The following UNC5B variants were observed in gnomAD, a reference collection of about 807,000 sequenced individuals.
UNC5B encodes the protein netrin receptor UNC5B.
UNC5B carries 56 observed loss-of-function variants against 103.7 expected under a neutral mutation model. The observed-to-expected ratio is 0.54, with a 90% confidence interval of 0.44 to 0.67. The LOEUF is 0.67. Ranked by LOEUF, UNC5B falls within the 30% of genes least tolerant of loss-of-function variation. The pLI is 0.00. For synonymous variants in UNC5B, 577 were observed against 542.0 expected, an observed-to-expected ratio of 1.06 and a Z score of -0.90; for missense variants, 1,194 against 1,284.5, an observed-to-expected ratio of 0.93 and a Z score of 1.08.
intron 1 of UNC5B, among the ~76,000 whole-genome samples, chr10:71,232,456 A>T (rs1255608668): frequency 1.3e-5 from 2 of 152,226 alleles, no homozygotes; most frequent in Non-Finnish European, 2.9e-5. Context: ...CTGGTGGCCC[A>T]GCCCCGGCCC....
At chr10:71,248,079 C>T (rs1255546155) in intron 1 of UNC5B, among the ~76,000 whole-genome samples, 1 of 152,198 alleles carries the variant, frequency 6.6e-6, no homozygotes, top group Non-Finnish European at 1.5e-5. Flanking sequence ...CTAGCACTGC[C>T]TTTCCAGGCT....
rs12261223 is a variant in UNC5B at position 71,296,783 on chromosome 10, A to G, written c.2490+41A>G. ...GCCACATATTCCAGCTGCACACCAC[A>G]CTGGCGGAGGTGAGGGAAGGGTGGG... On this transcript the variant is annotated intron_variant, in intron 15 of 16. Transcript: ENST00000335350. 9.1e-3 allele frequency: 11,645 copies of G among 1,282,640 alleles called. 117 individuals are homozygous for G. Among genetic ancestry groups the G allele is most frequent in the Middle Eastern group, 0.025 (109 of 4,288 alleles). 79.5% of individuals were successfully genotyped at this position (1,282,640 alleles called of 1,614,324 possible).
chr10:71,291,183 G>A lies in UNC5B; in HGVS notation c.1294+74G>A, dbSNP rs1304675558. The A allele has an allele frequency of 2.0e-5, 31 of 1,519,044 alleles. No homozygotes were observed. In the Admixed American group the frequency reaches 5.7e-4, roughly 28 times the overall value. 94.1% of individuals were successfully genotyped at this position (1,519,044 alleles called of 1,614,324 possible). A position where few individuals can be genotyped will look rare whatever the true frequency, so the allele number is the denominator to read the frequency against. On this transcript the variant is annotated intron_variant, in intron 9 of 16. Coordinates refer to ENST00000335350, the MANE Select transcript of UNC5B (RefSeq NM_170744.5). ...GAGGGCTCTGGTGGTACCCAGACCA[G>A]AGCCAGGCTCCTGACTCCCTCCCAG...
rs746050266 is a variant in UNC5B, at chr10:71,301,292, G to T, written c.*2015G>T. 6.6e-6 allele frequency: 1 copy of T among 152,232 alleles called. No individual in the cohort carries two copies. Among genetic ancestry groups the T allele is most frequent in the African/African-American group, 2.4e-5 (1 of 41,462 alleles). The allele number at this position is 152,232 out of a possible 1,614,324, so 9.4% of individuals were successfully genotyped here. A position where few individuals can be genotyped will look rare whatever the true frequency, so the allele number is the denominator to read the frequency against. ...TGCCATGGACTCAGTAGCTCGTGGG[G>T]CTTCTTACCACCCACCAGCCCCGCT... On this transcript the variant is annotated 3_prime_UTR_variant, in exon 17 of 17. Coordinates refer to ENST00000335350, the MANE Select transcript of UNC5B (RefSeq NM_170744.5).
chr10:71,288,494 C>G, intron 6 of UNC5B, 74 bp from the exon 7 acceptor site: 3 of 1,540,152 alleles, frequency 1.9e-6, no homozygotes, highest in Non-Finnish European at 2.6e-6. Context: ...TGGCACATTG[C>G]TCTGTTCTGC....
chr10:71,299,454 C>G lies in UNC5B; in HGVS notation c.*177C>G. 1 of 727,956 alleles carries G rather than the reference C, an allele frequency of 1.4e-6. No homozygotes were observed. Among genetic ancestry groups the G allele is most frequent in the Non-Finnish European group, 2.2e-6 (1 of 454,444 alleles). 45.1% of individuals were successfully genotyped at this position (727,956 alleles called of 1,614,324 possible). On this transcript the variant is annotated 3_prime_UTR_variant, in exon 17 of 17. Coordinates refer to ENST00000335350, the MANE Select transcript of UNC5B (RefSeq NM_170744.5). The stretch of plus-strand genomic sequence containing the variant: ...TGACCAGCCTTAGAAAATCCATGTA[C>G]TCTGTTGTTAGAGGGCCCAGAGTTC...
intron 1 of UNC5B, among the ~76,000 whole-genome samples, chr10:71,268,540 C>G (rs1322412393): frequency 6.6e-6 from 1 of 152,212 alleles, no homozygotes; most frequent in Admixed American, 6.5e-5. Flanking sequence ...CCCCATAGCC[C>G]AGGATCTGAG....
chr10:71,298,639 T>G (rs1300164516), intron 16 of UNC5B, among the ~76,000 whole-genome samples: 43 of 152,150 alleles, frequency 2.8e-4, no homozygotes, highest in Non-Finnish European at 4.4e-5. Context: ...ATGCTTTAGA[T>G]AAGACATTTT....
chr10:71,261,445 T>C (rs569902711), intron 1 of UNC5B, among the ~76,000 whole-genome samples: 2 of 152,216 alleles, frequency 1.3e-5, no homozygotes, highest in African/African-American at 4.8e-5. Flanking sequence ...ATTCTGAGGC[T>C]GACAAAGCCC....
Position 71,288,574 on chromosome 10 carries a change from G to A in UNC5B, c.908G>A (p.Gly303Glu). Residue 303 changes from glycine (G) to glutamate (E), a missense_variant, in exon 7 of 17, where the codon GGG becomes GAG. Transcript: ENST00000335350. ...GTATGCCATGCTCTTACAGTCGATG[G>A]GGCGTGGACGGAGTGGAGCAAGTGG... ...TACTTICPVD[G>E]AWTEWSKWSA... 6.2e-7 allele frequency: 1 copy of A among 1,612,760 alleles called. No homozygotes were observed. The highest frequency in any genetic ancestry group is 8.5e-7 in the Non-Finnish European group (1 of 1,179,208).
intron 1 of UNC5B, among the ~76,000 whole-genome samples, chr10:71,220,442 A>G (rs1589147228): frequency 6.6e-6 from 1 of 151,670 alleles, no homozygotes; most frequent in Non-Finnish European, 1.5e-5. Flanking sequence ...ACCTCTGGGA[A>G]CCCCCAGCTG....
intron 8 of UNC5B, among the ~76,000 whole-genome samples, 170 bp downstream of exon 8, chr10:71,289,160 A>G (rs1205287209): frequency 6.6e-6 from 1 of 152,202 alleles, no homozygotes; most frequent in Non-Finnish European, 1.5e-5. Context: ...CATCACCGGC[A>G]GACAGGCAAA....
Position 71,213,682 on chromosome 10 carries a change from A to ATTATTG in UNC5B, c.79+623_79+624insGTTATT, listed in dbSNP as rs1843275377. On this transcript the variant is annotated intron_variant, in intron 1 of 16. Coordinates refer to ENST00000335350, the MANE Select transcript of UNC5B (RefSeq NM_170744.5). The surrounding 1 kb of genome is among the most constrained non-coding windows in gnomAD (Gnocchi z 4.1). ...GGCCCGCAGGTCTGGAAGAATTATTATTATTATTATTATTATTATTATTAT... is the reference window on the plus strand; with the variant it reads ...GGCCCGCAGGTCTGGAAGAATTATTATTATTGTTATTATTATTATTATTATTATTAT... Among the ~76,000 whole-genome samples, 1 of 123,512 alleles carries ATTATTG rather than the reference A, an allele frequency of 8.1e-6. No homozygotes were observed. Among genetic ancestry groups the ATTATTG allele is most frequent in the Non-Finnish European group, 1.8e-5 (1 of 55,628 alleles). 81.0% of individuals were successfully genotyped at this position (123,512 alleles called of 152,430 possible).
intron 1 of UNC5B, among the ~76,000 whole-genome samples, chr10:71,274,949 C>T (rs965996878): frequency 1.3e-5 from 2 of 152,208 alleles, no homozygotes; most frequent in African/African-American, 4.8e-5. Flanking sequence ...CTTTAAACCT[C>T]AAAGTGTTAG....
At chr10:71,244,738 C>T (rs558102179) in intron 1 of UNC5B, among the ~76,000 whole-genome samples, 1 of 152,346 alleles carries the variant, frequency 6.6e-6, no homozygotes, top group South Asian at 2.1e-4. Flanking sequence ...GATCTGCAGC[C>T]GCTGCCAGCA....
intron 1 of UNC5B, among the ~76,000 whole-genome samples, chr10:71,256,030 T>C (rs1844283144): frequency 6.6e-6 from 1 of 152,194 alleles, no homozygotes; most frequent in East Asian, 1.9e-4. Context: ...TTCTCAGTGA[T>C]CCTTCTGTGA....
chr10:71,225,890 A>G lies in UNC5B; in HGVS notation c.79+12826A>G, dbSNP rs994049466. Among the ~76,000 whole-genome samples the G allele has an allele frequency of 5.6e-5, 7 of 124,990 alleles. No homozygotes were observed. The East Asian group carries it at 1.7e-3, about 31-fold the overall frequency. 82.0% of individuals were successfully genotyped at this position (124,990 alleles called of 152,430 possible). A position where few individuals can be genotyped will look rare whatever the true frequency, so the allele number is the denominator to read the frequency against. ...TGCAGACACTACCTGCTGGCAGCAC[A>G]CCTGGCTGGCCACACCTTGCCAGCC... On this transcript the variant is annotated intron_variant, in intron 1 of 16. Coordinates refer to ENST00000335350, the MANE Select transcript of UNC5B (RefSeq NM_170744.5).
intron 1 of UNC5B, among the ~76,000 whole-genome samples, chr10:71,274,828 C>T (rs1450459766): frequency 7.2e-5 from 11 of 151,990 alleles, no homozygotes; most frequent in South Asian, 2.1e-4. Context: ...TTAGGACCAC[C>T]GTATAGCAAT....
chr10:71,263,868 G>T (rs1589175567), intron 1 of UNC5B, among the ~76,000 whole-genome samples: 1 of 152,260 alleles, frequency 6.6e-6, no homozygotes, highest in African/African-American at 2.4e-5. Flanking sequence ...AGACAGACAG[G>T]GAGGGAGTCT....
Sources: allele counts gnomAD v4.1 joint callset (sites outside exome capture counted in the v4.1 genomes callset), GRCh38; gene constraint gnomAD v4.1.1; non-coding constraint Gnocchi (gnomAD v3.1); transcripts MANE v1.5; gene names NCBI Gene and HGNC (gene_info 2026-07-23, HGNC 2026-07-21).